AHNAK2: variants seen among roughly 807,000 people sequenced by gnomAD.
AHNAK2 encodes AHNAK nucleoprotein 2.
In AHNAK2, 18 loss-of-function variants were observed where a neutral mutation model predicts 30.7. The observed-to-expected ratio is 0.59, with a 90% CI of 0.41 to 0.87. The LOEUF is 0.87. AHNAK2 is among the 40% of genes least tolerant of loss of function. The pLI is 0.00. For synonymous variants in AHNAK2, 3,590 were observed against 3,073.8 expected, an observed-to-expected ratio of 1.17 and a Z score of -5.56; for missense variants, 8,604 against 7,373.0, an observed-to-expected ratio of 1.17 and a Z score of -6.11.
chr14:104,947,145 G>T lies in AHNAK2; in HGVS notation c.8306C>A (p.Ala2769Asp). 1 of 1,611,998 alleles carries T rather than the reference G, an allele frequency of 6.2e-7. No homozygotes were observed. Reference protein sequence around the residue: ...DLKGPKAEVTAPDVKMSLSSM... With the variant: ...DLKGPKAEVTDPDVKMSLSSM... ...GGACAGAGACATCTTCACATCGGGG[G>T]CTGTCACTTCCGCCTTGGGGCCTTT... Residue 2769 changes from alanine to aspartate, a missense_variant, in exon 7 of 7, where the codon GCC (alanine) becomes GAC (aspartate). Transcript: ENST00000333244.
Position 104,954,105 on chromosome 14 carries a change from T to G in AHNAK2, c.1346A>C (p.Glu449Ala), listed in dbSNP as rs1299780946. The G allele has an allele frequency of 1.9e-6, 3 of 1,612,600 alleles. No homozygotes were observed. Among genetic ancestry groups the G allele is most frequent in the Non-Finnish European group, 2.5e-6 (3 of 1,179,874 alleles). ...GCTCTGCAGTCCCTCGCCTTCACCC[T>G]CCCGGCTCATTCCAGGAGTTGGCTG... ...RAQPTPGMSR[E>A]GEGEGLQSLE... is the part of the protein sequence containing the mutation. The change falls in exon 7 of 7, where the codon GAG (glutamate) becomes GCG (alanine). Residue 449 changes from glutamate to alanine, a missense_variant. Glu to Ala is a moderately radical substitution (Grantham distance 107). Transcript: ENST00000333244. This position sits in a 1 kb window ranked among gnomAD's most constrained non-coding sequence, Gnocchi z 4.3.
chr14:104,938,922 T>A lies in AHNAK2; in HGVS notation c.16529A>T (p.Glu5510Val), dbSNP rs1467144863. 4 of 1,613,642 alleles carry A rather than the reference T, an allele frequency of 2.5e-6. No individual in the cohort carries two copies. In the South Asian group the frequency reaches 4.4e-5, roughly 18 times the overall value. ...AAATCCGTACGAAGGTGTTTGAATCTCTGACGTGGGGATCTCTGATTCCCG... is the reference window on the plus strand; with the variant it reads ...AAATCCGTACGAAGGTGTTTGAATCACTGACGTGGGGATCTCTGATTCCCG... The part of the protein sequence containing the change: ...IVRESEIPTS[E>V]IQTPSYGFSL... Residue 5510 changes from glutamate to valine, a missense_variant, in exon 7 of 7, where the codon GAG (glutamate) becomes GTG (valine). Glu to Val is a moderately radical substitution (Grantham distance 121). Coordinates refer to ENST00000333244, the MANE Select transcript of AHNAK2 (RefSeq NM_138420.4).
At chr14:104,956,798 A>G in intron 3 of AHNAK2, 109 bp from the exon 4 acceptor site, 1 of 973,224 alleles carries the variant, frequency 1.0e-6, no homozygotes, top group Non-Finnish European at 1.6e-6. Context: ...GGGGCCCAGA[A>G]CTTCCAACAC....
rs11850869 is a variant in AHNAK2 at position 104,949,562 on chromosome 14, A to G, written c.5889T>C (p.Ala1963=). The G allele has an allele frequency of 0.011, 17,064 of 1,581,980 alleles. 2,751 individuals carry two copies. The African/African-American group carries it at 0.2, about 19-fold the overall frequency. Residue 1963 remains alanine (A), a synonymous_variant, in exon 7 of 7, where the codon GCT becomes GCC. Coordinates refer to ENST00000333244, the MANE Select transcript of AHNAK2 (RefSeq NM_138420.4). ...CCTCCAGCCGCGCACCATCCAGCTT[A>G]GCCTTCTGGGCCTGGACATCCACCT... ...SMEVDVQAQK[A]KLDGARLEGD... is the part of the protein sequence containing the mutation.
intron 1 of AHNAK2, among the ~76,000 whole-genome samples, chr14:104,961,824 T>C (rs2140875569): frequency 6.6e-6 from 1 of 151,426 alleles, no homozygotes; most frequent in South Asian, 2.1e-4. Context: ...TATTTAAAAA[T>C]TAGCCATGCA....
chr14:104,948,140 CA>C lies in AHNAK2; in HGVS notation c.7310del (p.Val2437GlyfsTer40). 25 of 1,612,572 alleles carry C rather than the reference CA, an allele frequency of 1.6e-5. No homozygotes were observed. Among genetic ancestry groups the C allele is most frequent in the Non-Finnish European group, 2.1e-5 (25 of 1,179,596 alleles). ...GAGACACCTCCACGTCGGGGGCCATCACGTCCGTCTTGGGGCCTTTCAGGTC... is the reference window on the plus strand; with the variant it reads ...GAGACACCTCCACGTCGGGGGCCATCCGTCCGTCTTGGGGCCTTTCAGGTC... ...KLDLKGPKTDVMAPDVEVSQP... is the reference protein window; with the variant it reads ...KLDLKGPKTDXMAPDVEVSQP... On this transcript the variant is annotated frameshift_variant, in exon 7 of 7. Coordinates refer to ENST00000333244, the MANE Select transcript of AHNAK2 (RefSeq NM_138420.4). LOFTEE classifies it low-confidence loss of function (END_TRUNC).
intron 1 of AHNAK2, among the ~76,000 whole-genome samples, 154 bp from the exon 2 acceptor site, chr14:104,957,826 T>C (rs1899025984): frequency 6.6e-6 from 1 of 152,030 alleles, no homozygotes; most frequent in African/African-American, 2.4e-5. Context: ...TGGGGGAAGA[T>C]CTATAGCCAA....
chr14:104,961,376 A>C (rs1035683711), intron 1 of AHNAK2, among the ~76,000 whole-genome samples: 1 of 151,820 alleles, frequency 6.6e-6, no homozygotes, highest in Non-Finnish European at 1.5e-5. Context: ...TAGCCGGGCG[A>C]GGTGGCGGGC....
In AHNAK2 at chr14:104,953,648, G is replaced by GC. The variant is rs1358233897; in HGVS notation, c.1802dup (p.Arg602GlnfsTer21). On this transcript the variant is annotated frameshift_variant, in exon 7 of 7. Coordinates refer to ENST00000333244, the MANE Select transcript of AHNAK2 (RefSeq NM_138420.4). LOFTEE classifies it low-confidence loss of function (END_TRUNC). The stretch of plus-strand genomic sequence containing the variant: ...CTGTGTCTTCTGTGGCTTTTTCTCT[G>GC]CCTGTCTTTGTGTGCTTGCTTGGCG... The GC allele has an allele frequency of 6.2e-7, 1 of 1,613,684 alleles. No homozygotes were observed. Among genetic ancestry groups the GC allele is most frequent in the Non-Finnish European group, 8.5e-7 (1 of 1,179,854 alleles).
rs1897914506 is a variant in AHNAK2, at chr14:104,939,490, G to T, written c.15961C>A (p.Leu5321Ile). Reference protein sequence around the residue: ...PGMRLPETQVLPGEIDETPLS... With the variant: ...PGMRLPETQVIPGEIDETPLS... ...GGAGTCTCATCTATTTCTCCTGGAA[G>T]AACCTGGGTTTCTGGAAGCCTCATG... The change falls in exon 7 of 7, where the codon CTT becomes ATT. Residue 5321 changes from leucine (L) to isoleucine (I), a missense_variant. By Grantham distance (5) the Leu-to-Ile change is conservative (BLOSUM62 2). Coordinates refer to ENST00000333244, the MANE Select transcript of AHNAK2 (RefSeq NM_138420.4). 5.0e-6 allele frequency: 8 copies of T among 1,613,500 alleles called. No individual in the cohort carries two copies. The highest frequency in any genetic ancestry group is 6.8e-6 in the Non-Finnish European group (8 of 1,179,852).
Position 104,951,722 on chromosome 14 carries a change from T to C in AHNAK2, c.3729A>G (p.Lys1243=), listed in dbSNP as rs777516069. The C allele has an allele frequency of 1.2e-5, 15 of 1,246,400 alleles. 1 individual carries two copies. The East Asian group carries it at 3.4e-4, about 28-fold the overall frequency. 77.2% of individuals were successfully genotyped at this position (1,246,400 alleles called of 1,614,324 possible). Residue 1243 remains lysine (K), a synonymous_variant, in exon 7 of 7, where the codon AAA becomes AAG. Coordinates refer to ENST00000333244, the MANE Select transcript of AHNAK2 (RefSeq NM_138420.4). Reference sequence around the variant, plus strand: ...GCATCTGCACCTTGGGCAGGTGCCCTTTGAAGCCGGCTCCCTCAGGCACGT... The same window carrying C: ...GCATCTGCACCTTGGGCAGGTGCCCCTTGAAGCCGGCTCCCTCAGGCACGT... ...EGHVPEGAGF[K]GHLPKVQMPS...
chr14:104,975,814 G>A (rs1331504896), intron 1 of AHNAK2, among the ~76,000 whole-genome samples: 1 of 152,184 alleles, frequency 6.6e-6, no homozygotes, highest in Non-Finnish European at 1.5e-5. Context: ...AGCACAGGCA[G>A]CTGCAATCAC....
At chr14:104,961,469 C>T (rs975387141) in intron 1 of AHNAK2, among the ~76,000 whole-genome samples, 4 of 149,184 alleles carry the variant, frequency 2.7e-5, no homozygotes, top group Non-Finnish European at 4.4e-5. Context: ...GAGCCGAGAT[C>T]GCGTCACTGC....
In AHNAK2 at chr14:104,951,494, C is replaced by T. The variant is rs368499936; in HGVS notation, c.3957G>A (p.Lys1319=). The T allele has an allele frequency of 8.4e-5, 105 of 1,247,974 alleles. 17 individuals carry two copies. The African/African-American group carries it at 1.4e-3, about 16-fold the overall frequency. The allele number at this position is 1,247,974 out of a possible 1,614,324, so 77.3% of individuals were successfully genotyped here. ...ACTTGCTGTCTTTGGCAGTCACGTCCTTGTCAGCCAGGGACAGGTCCCCGT... is the reference window on the plus strand; with the variant it reads ...ACTTGCTGTCTTTGGCAGTCACGTCTTTGTCAGCCAGGGACAGGTCCCCGT... ...QLDGDLSLAD[K]DVTAKDSKFK... The change falls in exon 7 of 7, where the codon AAG becomes AAA. Residue 1319 remains lysine (K), a synonymous_variant. Coordinates refer to ENST00000333244, the MANE Select transcript of AHNAK2 (RefSeq NM_138420.4).
At chr14:104,970,471 C>G in intron 1 of AHNAK2, 1 of 985,622 alleles carries the variant, frequency 1.0e-6, no homozygotes, top group Non-Finnish European at 1.2e-6. Flanking sequence ...AAGCTACAGA[C>G]GCTCTCCCAA....
intron 1 of AHNAK2, among the ~76,000 whole-genome samples, chr14:104,973,194 T>C (rs1355922496): frequency 6.6e-6 from 1 of 152,202 alleles, no homozygotes; most frequent in Non-Finnish European, 1.5e-5. Flanking sequence ...CCCTGAGACC[T>C]AGGCCATCCG....
In AHNAK2 at chr14:104,957,449, G is replaced by A. The variant is rs1047743202; in HGVS notation, c.174C>T (p.Val58=). 11 of 1,599,168 alleles carry A rather than the reference G, an allele frequency of 6.9e-6. No homozygotes were observed. Among genetic ancestry groups the A allele is most frequent in the Non-Finnish European group, 9.4e-6 (11 of 1,169,510 alleles). The change falls in exon 3 of 7, where the codon GTC becomes GTT. Residue 58 remains valine, a synonymous_variant. Coordinates refer to ENST00000333244, the MANE Select transcript of AHNAK2 (RefSeq NM_138420.4). ...IRPRPQGSSP[V]YEYTTEAADF... is the part of the protein sequence containing the mutation. ...CGGCAGCCTCAGTCGTGTATTCGTA[G>A]ACAGGTGAAGACCCCTGCGGCCGTG...
chr14:104,953,090 C>T lies in AHNAK2; in HGVS notation c.2361G>A (p.Val787=). 1 of 1,613,410 alleles carries T rather than the reference C, an allele frequency of 6.2e-7. No individual in the cohort carries two copies. The highest frequency in any genetic ancestry group is 8.5e-7 in the Non-Finnish European group (1 of 1,179,726). ...GAGACATCTTCACATCGGGGGCTGT[C>T]ACTTCCGCCTTGGGGCCTTTCAGGT... The part of the protein sequence containing the change: ...KLDLKGPKAE[V]TAPDVKMSLS... The change falls in exon 7 of 7, where the codon GTG becomes GTA. Residue 787 remains valine (V), a synonymous_variant. Coordinates refer to ENST00000333244, the MANE Select transcript of AHNAK2 (RefSeq NM_138420.4).
intron 1 of AHNAK2, among the ~76,000 whole-genome samples, chr14:104,968,760 C>A (rs1790716093): frequency 6.6e-6 from 1 of 152,224 alleles, no homozygotes; most frequent in Admixed American, 6.5e-5. Context: ...GAATGGCCCA[C>A]TCCAGGTTTG....
Sources: allele counts gnomAD v4.1 joint callset (sites outside exome capture counted in the v4.1 genomes callset), GRCh38; gene constraint gnomAD v4.1.1; non-coding constraint Gnocchi (gnomAD v3.1); transcripts MANE v1.5; gene names NCBI Gene and HGNC (gene_info 2026-07-23, HGNC 2026-07-21).